Variants in PLAUR observed in about 807,000 individuals in gnomAD.
PLAUR encodes plasminogen activator, urokinase receptor, also known as urokinase plasminogen activator surface receptor.
PLAUR carries 22 observed loss-of-function variants against 33.4 expected under a neutral mutation model. That is an observed-to-expected ratio of 0.66 (90% CI 0.47 to 0.94). The LOEUF (loss-of-function observed/expected upper bound fraction) is 0.94. PLAUR is among the 40% of genes least tolerant of loss of function. The pLI is 0.00. For missense variants in PLAUR, 408 were observed against 434.7 expected, an observed-to-expected ratio of 0.94 and a Z score of 0.55; for synonymous variants, 148 against 167.3, an observed-to-expected ratio of 0.88 and a Z score of 0.89.
chr19:43,650,413 C>T (rs1192363259), intron 6 of PLAUR, among the ~76,000 whole-genome samples: 1 of 151,734 alleles, frequency 6.6e-6, no homozygotes, highest in Non-Finnish European at 1.5e-5. Flanking sequence ...GCAACCTCCA[C>T]CTCCCAGGCT....
intron 1 of PLAUR, among the ~76,000 whole-genome samples, chr19:43,668,598 AC>A (rs1304899683): frequency 1.7e-5 from 2 of 118,154 alleles, no homozygotes; most frequent in East Asian, 4.8e-4. Flanking sequence ...CGAGGTCGTA[AC>A]CCCCGCCCCT....
intron 3 of PLAUR, among the ~76,000 whole-genome samples, chr19:43,663,797 C>CAAAAAAAAAAAAA (rs370189339): frequency 6.4e-5 from 4 of 62,482 alleles, no homozygotes; most frequent in Non-Finnish European, 1.7e-4. Context: ...AACAAACAAA[C>CAAAAAAAAAAAAA]AAAAAAAAAA....
intron 4 of PLAUR, 122 bp from the exon 5 acceptor site, chr19:43,655,695 T>C: frequency 1.2e-6 from 1 of 835,854 alleles, no homozygotes; most frequent in Non-Finnish European, 1.8e-6. Context: ...AAGACCCTCA[T>C]TTTATCTAGA....
rs1348635643 is a variant in PLAUR, at chr19:43,648,748, G to A, written c.*142C>T. 1 of 1,020,378 alleles carries A rather than the reference G, an allele frequency of 9.8e-7. No individual in the cohort carries two copies. Among genetic ancestry groups the A allele is most frequent in the Non-Finnish European group, 1.4e-6 (1 of 701,762 alleles). 63.2% of individuals were successfully genotyped at this position (1,020,378 alleles called of 1,614,324 possible). On this transcript the variant is annotated 3_prime_UTR_variant, in exon 7 of 7. Transcript: ENST00000340093. The stretch of plus-strand genomic sequence containing the variant: ...CTTCACACAACTTTGTGAGATAGCT[G>A]TTTTCATAGCTGGGAAAACTGAGGC...
At chr19:43,649,632 A>C (rs1344442231) in intron 6 of PLAUR, among the ~76,000 whole-genome samples, 1 of 150,416 alleles carries the variant, frequency 6.6e-6, no homozygotes, top group Non-Finnish European at 1.5e-5. Context: ...GAAAAGAAAG[A>C]AAGAGAGAGA....
intron 6 of PLAUR, 28 bp downstream of exon 6, chr19:43,652,197 T>A (rs1467179883): frequency 6.2e-7 from 1 of 1,612,464 alleles, no homozygotes; most frequent in African/African-American, 1.3e-5. Flanking sequence ...CAATAAGTGT[T>A]CCCTCCCAGC....
At chr19:43,665,020 T>G in intron 3 of PLAUR, 1 of 386,766 alleles carries the variant, frequency 2.6e-6, no homozygotes, top group Non-Finnish European at 4.8e-6. Flanking sequence ...GGGGTTGATT[T>G]GGGGATGGGG....
chr19:43,655,276 C>CAAA (rs34689348), intron 5 of PLAUR, among the ~76,000 whole-genome samples, 163 bp downstream of exon 5: 72 of 65,766 alleles, frequency 1.1e-3, no homozygotes, highest in African/African-American at 2.3e-3. Context: ...GACTCCGTCT[C>CAAA]AAAAAAAAAA....
rs1974029340 is a variant in PLAUR at position 43,652,314 on chromosome 19, T to C, written c.665A>G (p.Asn222Ser). 2 of 1,613,814 alleles carry C rather than the reference T, an allele frequency of 1.2e-6. No homozygotes were observed. The highest frequency in any genetic ancestry group is 2.2e-5 in the South Asian group (2 of 91,082). ...TTCAGAGGAGCATCCATGGGTGCTG[T>C]TCCCCTTGCAGCTGTAACACTGGCG... ...NGRQCYSCKG[N>S]STHGCSSEET... The change falls in exon 6 of 7, where the codon AAC (asparagine) becomes AGC (serine). Residue 222 changes from asparagine to serine, a missense_variant. By Grantham distance (46) the Asn-to-Ser change is conservative. Coordinates refer to ENST00000340093, the MANE Select transcript of PLAUR (RefSeq NM_002659.4).
downstream of PLAUR, chr19:43,648,556 AAAG>A: frequency 2.0e-6 from 2 of 1,005,448 alleles, no homozygotes; most frequent in South Asian, 4.4e-5. Flanking sequence ...TAGACACTAC[AAAG>A]AAGGGCATAC....
At chr19:43,653,694 T>A (rs557202908) in intron 5 of PLAUR, among the ~76,000 whole-genome samples, 1 of 144,154 alleles carries the variant, frequency 6.9e-6, no homozygotes, top group South Asian at 2.2e-4. Flanking sequence ...AGAAACTAAA[T>A]GAAGGCCAGG....
chr19:43,664,557 G>C (rs1054708780), intron 3 of PLAUR, among the ~76,000 whole-genome samples: 1 of 152,192 alleles, frequency 6.6e-6, no homozygotes, highest in Non-Finnish European at 1.5e-5. Context: ...CGGTTCTCCC[G>C]CCTTGGTCTC....
chr19:43,654,207 T>C (rs1172624654), intron 5 of PLAUR, among the ~76,000 whole-genome samples: 1 of 151,696 alleles, frequency 6.6e-6, no homozygotes, highest in East Asian at 1.9e-4. Context: ...GGAGGATCAC[T>C]GGAGCCCAGG....
chr19:43,652,146 A>T, intron 6 of PLAUR, 79 bp downstream of exon 6: 1 of 1,576,940 alleles, frequency 6.3e-7, no homozygotes, highest in Non-Finnish European at 8.7e-7. Context: ...AGTTAACTCC[A>T]GCTTAACTGG....
intron 1 of PLAUR, among the ~76,000 whole-genome samples, chr19:43,668,597 A>G (rs1391309804): frequency 7.5e-6 from 1 of 133,810 alleles, no homozygotes. Flanking sequence ...CCGAGGTCGT[A>G]ACCCCCGCCC....
intron 1 of PLAUR, among the ~76,000 whole-genome samples, chr19:43,668,968 G>C (rs998982222): frequency 2.0e-5 from 3 of 152,098 alleles, no homozygotes; most frequent in Admixed American, 6.5e-5. Flanking sequence ...TTGCAGCCCA[G>C]TCCCTAGGCC....
chr19:43,656,918 A>C, intron 3 of PLAUR: 6 of 258,112 alleles, frequency 2.3e-5, no homozygotes, highest in Non-Finnish European at 2.2e-5. Flanking sequence ...GCATCTCCAC[A>C]TGGCCCTAGA....
intron 1 of PLAUR, among the ~76,000 whole-genome samples, chr19:43,669,004 G>C (rs1967403201): frequency 1.3e-5 from 2 of 152,036 alleles, no homozygotes; most frequent in Non-Finnish European, 1.5e-5. Flanking sequence ...GGGCCTTCCC[G>C]GACATCCCTT....
intron 3 of PLAUR, among the ~76,000 whole-genome samples, chr19:43,663,982 C>A (rs141116769): frequency 3.9e-5 from 6 of 152,076 alleles, no homozygotes; most frequent in Non-Finnish European, 7.4e-5. Context: ...TGTGACCCAT[C>A]ATGGAAAGGG....
Sources: allele counts gnomAD v4.1 joint callset (sites outside exome capture counted in the v4.1 genomes callset), GRCh38; gene constraint gnomAD v4.1.1; transcripts MANE v1.5; gene names NCBI Gene and HGNC (gene_info 2026-07-23, HGNC 2026-07-21).